Variants in OPLAH observed in about 807,000 individuals in gnomAD.
OPLAH encodes the protein 5-oxoprolinase.
A neutral mutation model predicts 122.8 loss-of-function variants in OPLAH; 103 were observed. That is an observed-to-expected ratio of 0.84 (90% CI 0.71 to 0.99). OPLAH has a LOEUF of 0.99. OPLAH is among the 50% of genes least tolerant of loss of function. The pLI is 0.00. For synonymous variants in OPLAH, 875 were observed against 796.0 expected (o/e 1.10, Z -1.67); for missense variants, 1,902 against 1,836.5 (o/e 1.04, Z -0.65).
At position 144,056,497 on chromosome 8, in the gene OPLAH, A is replaced by G. The variant is rs1554759145; in HGVS notation, c.1871T>C (p.Ile624Thr). 1.9e-6 allele frequency: 3 copies of G among 1,611,912 alleles called. No homozygotes were observed. Among genetic ancestry groups the G allele is most frequent in the African/African-American group, 1.3e-5 (1 of 75,028 alleles). Residue 624 changes from isoleucine to threonine, a missense_variant, in exon 14 of 27, where the codon ATA (isoleucine) becomes ACA (threonine). Physicochemically the swap from Ile to Thr is moderately conservative, Grantham distance 89 (BLOSUM62 -1). Transcript: ENST00000618853. ...ERYMREFGFV[I>T]PERPVVVDDV... ...GTCCACGACCACCGGCCGCTCAGGTATGACAAAGCCAAACTCCCTCATGTA... is the reference window on the plus strand; with the variant it reads ...GTCCACGACCACCGGCCGCTCAGGTGTGACAAAGCCAAACTCCCTCATGTA...
At chr8:144,058,717 C>A in intron 5 of OPLAH, 26 bp from the exon 6 acceptor site, 1 of 1,580,526 alleles carries the variant, frequency 6.3e-7, no homozygotes. Flanking sequence ...AGTGGCACCT[C>A]GTCTCCCACC....
At position 144,051,945 on chromosome 8, in the gene OPLAH, C is replaced by T; in HGVS notation, c.3593G>A (p.Arg1198His). The stretch of plus-strand genomic sequence containing the variant: ...GAGCCCGTATGGCCGGAAGGCGCGG[C>T]GCTCGGTCAGCACTGACAGCAGCGC... ...EEALLSVLTE[R>H]RAFRPYGLHG... Residue 1198 changes from arginine (R) to histidine (H), a missense_variant, in exon 25 of 27, where the codon CGC becomes CAC. This residue lies in a region of OPLAH where 1,726 missense variants were observed against 1,642.1 expected (regional missense o/e 1.05). Transcript: ENST00000618853. 1.3e-6 allele frequency: 2 copies of T among 1,548,936 alleles called. No individual in the cohort carries two copies. The highest frequency in any genetic ancestry group is 8.7e-7 in the Non-Finnish European group (1 of 1,155,484).
Position 144,054,708 on chromosome 8 carries a change from C to G in OPLAH, c.2539G>C (p.Val847Leu). 6.2e-7 allele frequency: 1 copy of G among 1,612,446 alleles called. No individual in the cohort carries two copies. The highest frequency in any genetic ancestry group is 1.3e-5 in the African/African-American group (1 of 75,012). Residue 847 changes from valine to leucine, a missense_variant, in exon 19 of 27, where the codon GTG (valine) becomes CTG (leucine). Coordinates refer to ENST00000618853, the MANE Select transcript of OPLAH (RefSeq NM_017570.5). ...PVFWPGQTRP[V>L]FYVASRGHHA... ...TGCCCTCGGCTGGCCACATAGAACACAGGCCGCGTCTGACCCGGCCAAAAC... is the reference window on the plus strand; with the variant it reads ...TGCCCTCGGCTGGCCACATAGAACAGAGGCCGCGTCTGACCCGGCCAAAAC...
chr8:144,060,878 C>T (rs1042930039), upstream of OPLAH, among the ~76,000 whole-genome samples: 2 of 152,360 alleles, frequency 1.3e-5, no homozygotes, highest in East Asian at 3.9e-4. Context: ...CTTGGCTCTG[C>T]GGCCCTCGGG....
At position 144,056,606 on chromosome 8, in the gene OPLAH, G is replaced by A. The variant is rs1554759192; in HGVS notation, c.1844+12C>T. 6.2e-7 allele frequency: 1 copy of A among 1,612,242 alleles called. No homozygotes were observed. Among genetic ancestry groups the A allele is most frequent in the Admixed American group, 1.7e-5 (1 of 60,016 alleles). On this transcript the variant is annotated intron_variant, in intron 13 of 26. Transcript: ENST00000618853. ...CCCCTTGCCAGGGATCCGGAGTCAGGAAGCCACGTACCGCTCCACAAAGGC... is the reference window on the plus strand; with the variant it reads ...CCCCTTGCCAGGGATCCGGAGTCAGAAAGCCACGTACCGCTCCACAAAGGC...
Position 144,053,057 on chromosome 8 carries a change from G to C in OPLAH, c.2944C>G (p.Leu982Val), listed in dbSNP as rs782571864. ...ATGTGGTCTTCCGAGGACACCTCCA[G>C]GGGCAGGCCCCGGGCCTGCCGGGAG... is the stretch of plus-strand genomic sequence containing the variant. ...GTSRQARGLP[L>V]EVSSEDHMDD... Residue 982 changes from leucine (L) to valine (V), a missense_variant, in exon 21 of 27, where the codon CTG (leucine) becomes GTG (valine). By Grantham distance (32) the Leu-to-Val change is conservative. This residue lies in a region of OPLAH where 1,726 missense variants were observed against 1,642.1 expected (regional missense o/e 1.05). Transcript: ENST00000618853. 1.0e-5 allele frequency: 16 copies of C among 1,602,856 alleles called. No individual in the cohort carries two copies. In the South Asian group the frequency reaches 1.8e-4, roughly 18 times the overall value.
At chr8:144,062,903 G>A (rs1554761123), upstream of OPLAH, among the ~76,000 whole-genome samples, 39 of 150,394 alleles carry the variant, frequency 2.6e-4, no homozygotes. Flanking sequence ...ACCTCCGCCT[G>A]CCTCCTGGGC....
At chr8:144,056,573 C>A in intron 13 of OPLAH, 45 bp downstream of exon 13, 1 of 1,612,312 alleles carries the variant, frequency 6.2e-7, no homozygotes, top group Non-Finnish European at 8.5e-7. Flanking sequence ...GGCGGCCAGA[C>A]AGGAGGGCCC....
At position 144,054,743 on chromosome 8, in the gene OPLAH, G is replaced by A. The variant is rs1835467114; in HGVS notation, c.2512-8C>T. 2.5e-6 allele frequency: 4 copies of A among 1,612,210 alleles called. No homozygotes were observed. The highest frequency in any genetic ancestry group is 2.2e-5 in the East Asian group (1 of 44,886). Reference sequence around the variant, plus strand: ...CTGACCCGGCCAAAACACCTAGCGGGTGGAGAGCCACGGTCAGCTGCATCG... The same window carrying A: ...CTGACCCGGCCAAAACACCTAGCGGATGGAGAGCCACGGTCAGCTGCATCG... On this transcript the variant is annotated splice_polypyrimidine_tract_variant and splice_region_variant and intron_variant, in intron 18 of 26. Coordinates refer to ENST00000618853, the MANE Select transcript of OPLAH (RefSeq NM_017570.5).
chr8:144,060,335 G>C (rs1835637722), intron 1 of OPLAH, among the ~76,000 whole-genome samples: 1 of 152,224 alleles, frequency 6.6e-6, no homozygotes, highest in Non-Finnish European at 1.5e-5. Context: ...CCAGGCAGCG[G>C]AGCAGGCACG....
At chr8:144,059,222 A>C (rs1375897936) in intron 3 of OPLAH, 143 bp from the exon 4 acceptor site, 4 of 704,226 alleles carry the variant, frequency 5.7e-6, no homozygotes, top group Non-Finnish European at 9.4e-6. Flanking sequence ...CAGCCCCAGC[A>C]AGGCTCACCA....
Position 144,056,237 on chromosome 8 carries a change from C to T in OPLAH, c.2006G>A (p.Gly669Glu). 2 of 1,611,918 alleles carry T rather than the reference C, an allele frequency of 1.2e-6. No homozygotes were observed. Among genetic ancestry groups the T allele is most frequent in the Non-Finnish European group, 1.7e-6 (2 of 1,179,178 alleles). ...VDKMTQCYFEGGYQETPVYLL... is the reference protein window; with the variant it reads ...VDKMTQCYFEEGYQETPVYLL... ...GTACACAGGGGTCTCCTGGTAGCCC[C>T]CCTCAAAGTAGCACTGGGTCATCTG... The change falls in exon 15 of 27, where the codon GGG becomes GAG. Residue 669 changes from glycine to glutamate, a missense_variant. Gly to Glu is a moderately conservative substitution (Grantham distance 98). Around this residue, in one of 3 missense-constraint regions of OPLAH, gnomAD observed 1,726 missense variants for 1,642.1 expected, o/e 1.05. Transcript: ENST00000618853.
upstream of OPLAH, among the ~76,000 whole-genome samples, chr8:144,061,604 T>G (rs1048616497): frequency 1.3e-5 from 2 of 151,824 alleles, no homozygotes; most frequent in Admixed American, 6.6e-5. Context: ...CGTCCTACAC[T>G]CCCCGCAGCG....
At chr8:144,057,828 G>T (rs782471834) in intron 9 of OPLAH, 28 bp downstream of exon 9, 1 of 1,606,226 alleles carries the variant, frequency 6.2e-7, no homozygotes, top group South Asian at 1.1e-5. Context: ...GGAGGGCAAG[G>T]CCAGGCCGGC....
chr8:144,062,709 G>A (rs1213744979), upstream of OPLAH, among the ~76,000 whole-genome samples: 2 of 100,808 alleles, frequency 2.0e-5, no homozygotes, highest in African/African-American at 7.8e-5. Flanking sequence ...CAGGCTGCCC[G>A]CCAGGCCTGT....
At position 144,057,917 on chromosome 8, in the gene OPLAH, G is replaced by T. The variant is rs782468108; in HGVS notation, c.1095C>A (p.Gly365=). ...GGGSRLFFRS[G]LFVVGPESAG... is the part of the protein sequence containing the mutation. ...CTGACTCGGGCCCAACCACAAAGAG[G>T]CCAGACCTAGGGGAAGGAAGGGCTG... Residue 365 remains glycine (G), a synonymous_variant, in exon 9 of 27, where the codon GGC becomes GGA. Coordinates refer to ENST00000618853, the MANE Select transcript of OPLAH (RefSeq NM_017570.5). The T allele has an allele frequency of 6.2e-7, 1 of 1,612,128 alleles. No individual in the cohort carries two copies. Among genetic ancestry groups the T allele is most frequent in the South Asian group, 1.1e-5 (1 of 91,062 alleles).
rs1554759895 is a variant in OPLAH at position 144,058,241 on chromosome 8, C to T, written c.947G>A (p.Gly316Glu). 6.2e-7 allele frequency: 1 copy of T among 1,608,556 alleles called. No homozygotes were observed. Among genetic ancestry groups the T allele is most frequent in the Non-Finnish European group, 8.5e-7 (1 of 1,177,130 alleles). ...GGQPVIGFDM[G>E]GTSTDVSRYA... Reference sequence around the variant, plus strand: ...ACCCCAGCCCTCGGCCCTCATACCTCCCATGTCAAAGCCGATGACAGGCTG... The same window carrying T: ...ACCCCAGCCCTCGGCCCTCATACCTTCCATGTCAAAGCCGATGACAGGCTG... Residue 316 changes from glycine (G) to glutamate (E), a missense_variant and splice_region_variant, in exon 7 of 27, where the codon GGA (glycine) becomes GAA (glutamate). Gly to Glu is a moderately conservative substitution (Grantham distance 98). Transcript: ENST00000618853.
At position 144,052,236 on chromosome 8, in the gene OPLAH, C is replaced by A. The variant is rs782653195; in HGVS notation, c.3394G>T (p.Gly1132Trp). ...ATGTGGCTGTGCACACCGCTGCGCC[C>A]GTGCCAGCTGGGACCCGCGCCCGCG... ...GGAGAGPSWH[G>W]RSGVHSHMTN... The change falls in exon 24 of 27, where the codon GGG becomes TGG. Residue 1132 changes from glycine (G) to tryptophan (W), a missense_variant. Gly to Trp is a radical substitution (Grantham distance 184). This residue lies in a region of OPLAH where 1,726 missense variants were observed against 1,642.1 expected (regional missense o/e 1.05). Transcript: ENST00000618853. 6.4e-6 allele frequency: 10 copies of A among 1,561,366 alleles called. No individual in the cohort carries two copies. The highest frequency in any genetic ancestry group is 2.4e-5 in the East Asian group (1 of 42,484).
chr8:144,058,280 T>G lies in OPLAH; in HGVS notation c.908A>C (p.Gln303Pro). 1 of 1,610,338 alleles carries G rather than the reference T, an allele frequency of 6.2e-7. No individual in the cohort carries two copies. The highest frequency in any genetic ancestry group is 8.5e-7 in the Non-Finnish European group (1 of 1,179,110). ...GVVGYSATTY[Q>P]QEGGQPVIGF... ...GATGACAGGCTGGCCACCCTCCTGCTGGTAGGTGGTGGCTGAGTAGCCCAC... is the reference window on the plus strand; with the variant it reads ...GATGACAGGCTGGCCACCCTCCTGCGGGTAGGTGGTGGCTGAGTAGCCCAC... The change falls in exon 7 of 27, where the codon CAG becomes CCG. Residue 303 changes from glutamine (Q) to proline (P), a missense_variant. Around this residue, in one of 3 missense-constraint regions of OPLAH, gnomAD observed 1,726 missense variants for 1,642.1 expected, o/e 1.05. Coordinates refer to ENST00000618853, the MANE Select transcript of OPLAH (RefSeq NM_017570.5).
Sources: gnomAD v4.1 joint callset for allele counts (sites outside exome capture counted in the v4.1 genomes callset) on GRCh38, gnomAD v4.1.1 for gene constraint, gnomAD v4.1.1 regional missense constraint, MANE v1.5 for transcripts, NCBI Gene and HGNC (gene_info 2026-07-23, HGNC 2026-07-21) for gene names.